Variants in C11orf97 observed in about 807,000 individuals in gnomAD.
C11orf97 encodes chromosome 11 open reading frame 97.
In C11orf97, 15 loss-of-function variants were observed where a neutral mutation model predicts 16.2. The observed-to-expected ratio is 0.93, with a 90% CI of 0.62 to 1.43. The LOEUF (loss-of-function observed/expected upper bound fraction) is 1.43, where lower values mean the gene tolerates loss of function less well. C11orf97 is among the 40% of genes most tolerant of loss of function. The pLI is 0.00. For synonymous variants in C11orf97, 61 were observed against 65.7 expected, an observed-to-expected ratio of 0.93 and a Z score of 0.34; for missense variants, 171 against 161.2, an observed-to-expected ratio of 1.06 and a Z score of -0.33.
intron 1 of C11orf97, among the ~76,000 whole-genome samples, chr11:94,515,202 A>G (rs1022909398): frequency 6.6e-5 from 10 of 152,186 alleles, no homozygotes; most frequent in African/African-American, 2.4e-4. Flanking sequence ...TACTTTCTCA[A>G]CTATAAAACA....
chr11:94,518,295 T>C (rs973186065), intron 2 of C11orf97, among the ~76,000 whole-genome samples: 4 of 152,116 alleles, frequency 2.6e-5, no homozygotes, highest in Non-Finnish European at 5.9e-5. Flanking sequence ...TCAATATAGG[T>C]ATGACAAGTA....
At chr11:94,525,521 G>A (rs1190042675) in intron 2 of C11orf97, among the ~76,000 whole-genome samples, 1 of 152,078 alleles carries the variant, frequency 6.6e-6, no homozygotes, top group Non-Finnish European at 1.5e-5. Flanking sequence ...AATGTTTTTT[G>A]TACCTACAAT....
rs781647419 is a variant in C11orf97 at position 94,519,627 on chromosome 11, CT to C, written c.250+1943del. 1.6e-3 allele frequency among the ~76,000 whole-genome samples: 244 copies of C among 152,278 alleles called. 3 individuals are homozygous for C. Among genetic ancestry groups the C allele is most frequent in the Middle Eastern group, 0.01 (3 of 294 alleles). On this transcript the variant is annotated intron_variant, in intron 2 of 3. Coordinates refer to ENST00000542198, the MANE Select transcript of C11orf97 (RefSeq NM_001190462.2). The stretch of plus-strand genomic sequence containing the variant: ...TTCCTAAGCAATCTTTTCAAATATC[CT>C]TTATATAAAATGAAGACTGTCTGGG...
intron 1 of C11orf97, among the ~76,000 whole-genome samples, chr11:94,513,758 GA>G (rs1947586837): frequency 6.6e-6 from 1 of 152,222 alleles, no homozygotes. Flanking sequence ...GCCTTGCTTA[GA>G]GCACATAAAT....
chr11:94,520,923 G>C (rs1031546586), intron 2 of C11orf97, among the ~76,000 whole-genome samples: 6 of 152,118 alleles, frequency 3.9e-5, no homozygotes, highest in Non-Finnish European at 8.8e-5. Flanking sequence ...ATTATTCTGA[G>C]ACTAGATTTC....
At chr11:94,522,967 C>T (rs1947670742) in intron 2 of C11orf97, among the ~76,000 whole-genome samples, 1 of 152,072 alleles carries the variant, frequency 6.6e-6, no homozygotes, top group South Asian at 2.1e-4. Flanking sequence ...TTACAATGCC[C>T]CGTGCTGACC....
chr11:94,525,514 G>A (rs1947692842), intron 2 of C11orf97, among the ~76,000 whole-genome samples: 1 of 152,134 alleles, frequency 6.6e-6, no homozygotes, highest in Non-Finnish European at 1.5e-5. Flanking sequence ...CAATTAAAAT[G>A]TTTTTTGTAC....
chr11:94,519,894 C>T (rs1340553642), intron 2 of C11orf97, among the ~76,000 whole-genome samples: 1 of 152,212 alleles, frequency 6.6e-6, no homozygotes, highest in Non-Finnish European at 1.5e-5. Flanking sequence ...AGCCTAGAGG[C>T]CAGCCATTGG....
chr11:94,514,914 G>A (rs904508757), intron 1 of C11orf97, among the ~76,000 whole-genome samples: 33 of 151,936 alleles, frequency 2.2e-4, no homozygotes, highest in African/African-American at 7.7e-4. Flanking sequence ...CAAAATGTTG[G>A]GATTACAGGC....
intron 2 of C11orf97, among the ~76,000 whole-genome samples, chr11:94,522,931 T>C (rs34394615): frequency 0.03 from 4,505 of 152,230 alleles, 153 homozygotes; most frequent in African/African-American, 0.08. Flanking sequence ...GCACCATTTG[T>C]ATTAACAACA....
intron 2 of C11orf97, among the ~76,000 whole-genome samples, chr11:94,524,007 A>C (rs1393506310): frequency 1.3e-5 from 2 of 152,060 alleles, no homozygotes; most frequent in African/African-American, 4.8e-5. Context: ...TAGGCTCCTG[A>C]TGTGTTGATA....
intron 1 of C11orf97, among the ~76,000 whole-genome samples, chr11:94,516,513 A>T (rs777751745): frequency 1.3e-5 from 2 of 152,194 alleles, no homozygotes; most frequent in Admixed American, 6.5e-5. Context: ...TTATCATGCC[A>T]AGCTCTGTTC....
At chr11:94,523,154 G>A (rs1333262531) in intron 2 of C11orf97, among the ~76,000 whole-genome samples, 1 of 152,182 alleles carries the variant, frequency 6.6e-6, no homozygotes, top group Non-Finnish European at 1.5e-5. Flanking sequence ...AAGACTGGGA[G>A]AACCAATTAT....
intron 3 of C11orf97, among the ~76,000 whole-genome samples, chr11:94,528,664 A>C (rs1459331087): frequency 6.6e-6 from 1 of 152,138 alleles, no homozygotes; most frequent in Non-Finnish European, 1.5e-5. Context: ...AGGCCACCAG[A>C]CTGGGCCCAG....
intron 3 of C11orf97, 150 bp from the exon 4 acceptor site, chr11:94,531,746 T>G: frequency 1.8e-6 from 1 of 552,294 alleles, no homozygotes; most frequent in Non-Finnish European, 2.9e-6. Context: ...GTAGTGGCTT[T>G]TCTGGTTACT....
At chr11:94,513,195 T>C (rs1239706268) in intron 1 of C11orf97, among the ~76,000 whole-genome samples, 1 of 152,216 alleles carries the variant, frequency 6.6e-6, no homozygotes, top group Non-Finnish European at 1.5e-5. Context: ...CAGTCTACAA[T>C]TACCCAATCC....
intron 1 of C11orf97, 99 bp downstream of exon 1, chr11:94,512,772 G>A: frequency 8.4e-7 from 1 of 1,193,662 alleles, no homozygotes. Context: ...GGCTGAGAAG[G>A]TTTGGGGCAG....
chr11:94,514,517 T>C (rs1366076606), intron 1 of C11orf97, among the ~76,000 whole-genome samples: 1 of 152,200 alleles, frequency 6.6e-6, no homozygotes, highest in Non-Finnish European at 1.5e-5. Context: ...ACAGTCCTGC[T>C]CTCAAACACG....
At chr11:94,524,450 T>C (rs1412391880) in intron 2 of C11orf97, among the ~76,000 whole-genome samples, 1 of 152,122 alleles carries the variant, frequency 6.6e-6, no homozygotes, top group African/African-American at 2.4e-5. Flanking sequence ...GAAATGTTAC[T>C]AGTTTTCTGT....
Sources: gnomAD v4.1 joint callset for allele counts (sites outside exome capture counted in the v4.1 genomes callset) on GRCh38, gnomAD v4.1.1 for gene constraint, MANE v1.5 for transcripts, NCBI Gene and HGNC (gene_info 2026-07-23, HGNC 2026-07-21) for gene names.